Variants in RAPGEF4 observed in about 807,000 individuals in gnomAD.
The protein encoded by RAPGEF4 is Rap guanine nucleotide exchange factor 4, also known as RAP guanine-nucleotide-exchange factor (GEF) 4.
In RAPGEF4, 66 loss-of-function variants were observed where a neutral mutation model predicts 147.9. The observed-to-expected ratio is 0.45, with a 90% CI of 0.37 to 0.55. The LOEUF (loss-of-function observed/expected upper bound fraction) is 0.55. Among genes scored for constraint, RAPGEF4 ranks in the 20% least tolerant of loss-of-function variants. The pLI is 0.00. For missense variants in RAPGEF4, 1,071 were observed against 1,257.3 expected (o/e 0.85, Z 2.24); for synonymous variants, 419 against 442.7 (o/e 0.95, Z 0.67).
chr2:172,863,221 A>G (rs1376927798), intron 4 of RAPGEF4, among the ~76,000 whole-genome samples: 2 of 152,204 alleles, frequency 1.3e-5, no homozygotes, highest in African/African-American at 2.4e-5. Context: ...AGAACAATAC[A>G]GTATTTCAGG....
intron 4 of RAPGEF4, among the ~76,000 whole-genome samples, chr2:172,909,290 A>T (rs2149997695): frequency 1.3e-5 from 2 of 152,360 alleles, no homozygotes. Context: ...GTTTTGGAGT[A>T]ACACTAGAGC....
At chr2:172,872,365 T>C (rs1695337936) in intron 4 of RAPGEF4, among the ~76,000 whole-genome samples, 1 of 152,228 alleles carries the variant, frequency 6.6e-6, no homozygotes, top group African/African-American at 2.4e-5. Context: ...TTACAACTTT[T>C]AGGATAAGGC....
chr2:172,973,165 T>A (rs928760122), intron 10 of RAPGEF4, among the ~76,000 whole-genome samples: 12 of 149,534 alleles, frequency 8.0e-5, no homozygotes, highest in African/African-American at 3.0e-4. Context: ...CAGGCTGGAG[T>A]GCAGTGGGGT....
chr2:172,794,195 TA>T (rs1267053771), intron 1 of RAPGEF4, among the ~76,000 whole-genome samples: 1 of 151,616 alleles, frequency 6.6e-6, no homozygotes, highest in Non-Finnish European at 1.5e-5. Flanking sequence ...CTGGCCAACA[TA>T]GTGAAACCCC....
intron 17 of RAPGEF4, among the ~76,000 whole-genome samples, chr2:173,010,400 A>G (rs1457640442): frequency 6.6e-6 from 1 of 152,238 alleles, no homozygotes; most frequent in Non-Finnish European, 1.5e-5. Context: ...TCCTGGACCC[A>G]ACTGTCATAT....
At chr2:172,856,370 G>C (rs1189296248) in intron 4 of RAPGEF4, among the ~76,000 whole-genome samples, 1 of 152,094 alleles carries the variant, frequency 6.6e-6, no homozygotes, top group African/African-American at 2.4e-5. Context: ...AGTTATAATA[G>C]CTGCTTTAAA....
chr2:172,777,398 T>A (rs1684277235), intron 1 of RAPGEF4, among the ~76,000 whole-genome samples: 3 of 152,188 alleles, frequency 2.0e-5, no homozygotes. Context: ...GAGCTTATGT[T>A]CTAGTGGAGA....
intron 17 of RAPGEF4, among the ~76,000 whole-genome samples, chr2:173,011,120 C>T (rs1306507949): frequency 6.7e-6 from 1 of 149,888 alleles, no homozygotes; most frequent in Admixed American, 6.7e-5. Flanking sequence ...GCCCTGGTGA[C>T]TAAACATGCT....
At chr2:172,980,032 T>G (rs1691511533) in intron 10 of RAPGEF4, among the ~76,000 whole-genome samples, 2 of 152,106 alleles carry the variant, frequency 1.3e-5, no homozygotes, top group African/African-American at 4.8e-5. Context: ...TTAGGAAAGA[T>G]GACATTGAGC....
intron 14 of RAPGEF4, 118 bp from the exon 15 acceptor site, chr2:172,990,692 A>G (rs1692741834): frequency 1.4e-6 from 1 of 705,542 alleles, no homozygotes; most frequent in Non-Finnish European, 2.4e-6. Context: ...AAATGACTTA[A>G]TTTGTAGACG....
At chr2:172,870,704 G>A (rs1338223841) in intron 4 of RAPGEF4, among the ~76,000 whole-genome samples, 1 of 152,018 alleles carries the variant, frequency 6.6e-6, no homozygotes, top group African/African-American at 2.4e-5. Context: ...CTGTGTGCAT[G>A]GATATAGCCA....
intron 3 of RAPGEF4, among the ~76,000 whole-genome samples, chr2:172,802,151 C>T (rs1293150304): frequency 1.3e-5 from 2 of 152,130 alleles, no homozygotes; most frequent in Non-Finnish European, 2.9e-5. Flanking sequence ...AGTGATGCTA[C>T]TAATGGAAAT....
At chr2:172,772,366 T>A (rs1044488275) in intron 1 of RAPGEF4, among the ~76,000 whole-genome samples, 5 of 151,854 alleles carry the variant, frequency 3.3e-5, no homozygotes, top group African/African-American at 1.2e-4. Flanking sequence ...TTTATTGAGA[T>A]GGAGTCTTGC....
At chr2:172,912,935 G>A (rs1388841757) in intron 4 of RAPGEF4, among the ~76,000 whole-genome samples, 8 of 130,062 alleles carry the variant, frequency 6.2e-5, no homozygotes, top group African/African-American at 1.8e-4. Context: ...TTTGTCTGTC[G>A]CCCAGGATGG....
chr2:172,834,436 C>T (rs1690704205), intron 4 of RAPGEF4, among the ~76,000 whole-genome samples: 1 of 152,152 alleles, frequency 6.6e-6, no homozygotes, highest in Non-Finnish European at 1.5e-5. Context: ...AGGAAGAGAA[C>T]TACTCTTCAT....
intron 4 of RAPGEF4, among the ~76,000 whole-genome samples, chr2:172,908,772 C>T (rs2149995716): frequency 6.6e-6 from 1 of 152,212 alleles, no homozygotes; most frequent in African/African-American, 2.4e-5. Context: ...GCTGAGGGTA[C>T]TCCAGGGAGT....
At chr2:172,944,133 C>A (rs951707384) in intron 6 of RAPGEF4, among the ~76,000 whole-genome samples, 5 of 152,272 alleles carry the variant, frequency 3.3e-5, no homozygotes, top group Non-Finnish European at 7.4e-5. Flanking sequence ...TCTTAGGCTG[C>A]CTTCTGCTCC....
intron 4 of RAPGEF4, among the ~76,000 whole-genome samples, chr2:172,856,377 TAA>T (rs1693415413): frequency 6.6e-6 from 1 of 152,224 alleles, no homozygotes. Flanking sequence ...ATAGCTGCTT[TAA>T]AGTCTTTGTT....
chr2:173,030,100 T>C (rs968642998), intron 25 of RAPGEF4, 64 bp from the exon 26 acceptor site: 2 of 1,121,478 alleles, frequency 1.8e-6, no homozygotes, highest in Admixed American at 1.7e-5. Flanking sequence ...AAAATAGAAC[T>C]CTAATTTTTT....
Sources: allele counts gnomAD v4.1 joint callset (sites outside exome capture counted in the v4.1 genomes callset), GRCh38; gene constraint gnomAD v4.1.1; transcripts MANE v1.5; gene names NCBI Gene and HGNC (gene_info 2026-07-23, HGNC 2026-07-21).